Variants in RANBP17 observed in about 807,000 individuals in gnomAD.
RANBP17 encodes the protein ran-binding protein 17.
In RANBP17, 158 loss-of-function variants were observed where a neutral mutation model predicts 141.2. The observed-to-expected ratio is 1.12, with a 90% CI of 0.98 to 1.28. The LOEUF (loss-of-function observed/expected upper bound fraction) is 1.28. RANBP17 is among the 50% of genes most tolerant of loss of function. The pLI, the probability that RANBP17 is intolerant of heterozygous loss-of-function variation, is 0.00. For missense variants in RANBP17, 1,438 were observed against 1,290.7 expected, an observed-to-expected ratio of 1.11 and a Z score of -1.75; for synonymous variants, 430 against 450.0, an observed-to-expected ratio of 0.96 and a Z score of 0.56.
At chr5:171,166,212 G>T (rs1390699857) in intron 14 of RANBP17, among the ~76,000 whole-genome samples, 2 of 152,064 alleles carry the variant, frequency 1.3e-5, no homozygotes, top group Non-Finnish European at 2.9e-5. Context: ...GCAAAACCTT[G>T]GTTACAGAAT....
chr5:171,124,759 A>G (rs779591068), intron 14 of RANBP17, among the ~76,000 whole-genome samples: 11 of 152,216 alleles, frequency 7.2e-5, no homozygotes, highest in Non-Finnish European at 1.6e-4. Context: ...CAACAAAAAA[A>G]AACCACCAAA....
intron 16 of RANBP17, among the ~76,000 whole-genome samples, chr5:171,181,264 C>A (rs770896165): frequency 6.6e-6 from 1 of 152,076 alleles, no homozygotes; most frequent in African/African-American, 2.4e-5. Context: ...GCATGACCAA[C>A]GTAGTGAAAC....
At chr5:170,881,921 A>G in intron 3 of RANBP17, 25 bp downstream of exon 3, 1 of 1,459,558 alleles carries the variant, frequency 6.9e-7, no homozygotes, top group Non-Finnish European at 9.4e-7. Context: ...ATGCTTTTTA[A>G]CCAACTGCGC....
intron 18 of RANBP17, among the ~76,000 whole-genome samples, chr5:171,192,316 C>T (rs1761703126): frequency 6.6e-6 from 1 of 152,128 alleles, no homozygotes; most frequent in Non-Finnish European, 1.5e-5. Flanking sequence ...TTAGCTGGCC[C>T]TGTAGGCAGA....
At chr5:170,984,227 C>T (rs768065535) in intron 14 of RANBP17, among the ~76,000 whole-genome samples, 1 of 152,108 alleles carries the variant, frequency 6.6e-6, no homozygotes, top group East Asian at 1.9e-4. Flanking sequence ...AGTTTGTCAT[C>T]CGGGTGTATG....
At chr5:171,056,367 T>A (rs1233347680) in intron 14 of RANBP17, among the ~76,000 whole-genome samples, 4 of 152,172 alleles carry the variant, frequency 2.6e-5, no homozygotes, top group African/African-American at 9.6e-5. Flanking sequence ...TAACAATCGT[T>A]TGTGAATGAC....
chr5:171,230,535 T>G (rs927276070), intron 22 of RANBP17, among the ~76,000 whole-genome samples: 1 of 152,126 alleles, frequency 6.6e-6, no homozygotes, highest in African/African-American at 2.4e-5. Flanking sequence ...CCGAGGCGTG[T>G]GGATCACCTG....
chr5:170,920,357 TCTA>T (rs898700443), intron 11 of RANBP17, among the ~76,000 whole-genome samples: 1 of 152,176 alleles, frequency 6.6e-6, no homozygotes, highest in African/African-American at 2.4e-5. Flanking sequence ...TTTTACTCAT[TCTA>T]ATAACTATGT....
At chr5:171,126,618 A>G (rs542107500) in intron 14 of RANBP17, among the ~76,000 whole-genome samples, 2 of 152,296 alleles carry the variant, frequency 1.3e-5, no homozygotes, top group South Asian at 4.1e-4. Context: ...AAATAAATAA[A>G]TCCAGAAACA....
At chr5:171,062,620 A>G (rs921032567) in intron 14 of RANBP17, among the ~76,000 whole-genome samples, 1 of 152,076 alleles carries the variant, frequency 6.6e-6, no homozygotes, top group Non-Finnish European at 1.5e-5. Context: ...ACTTTGGTGA[A>G]TCTGACAATT....
chr5:170,982,388 C>T (rs1375108129), intron 14 of RANBP17, among the ~76,000 whole-genome samples: 1 of 151,996 alleles, frequency 6.6e-6, no homozygotes, highest in African/African-American at 2.4e-5. Context: ...TGAAGAAAAC[C>T]TCATATGAAA....
chr5:171,016,128 G>T (rs1410383753), intron 14 of RANBP17, among the ~76,000 whole-genome samples: 1 of 151,218 alleles, frequency 6.6e-6, no homozygotes, highest in Non-Finnish European at 1.5e-5. Flanking sequence ...TGCTTTTCTG[G>T]GGCAATCCCA....
chr5:170,912,219 A>C (rs1443241943), intron 7 of RANBP17, among the ~76,000 whole-genome samples: 1 of 150,990 alleles, frequency 6.6e-6, no homozygotes, highest in East Asian at 1.9e-4. Context: ...ATGTAATAAA[A>C]AATTTCACAG....
At chr5:171,123,175 T>C (rs1454145858) in intron 14 of RANBP17, among the ~76,000 whole-genome samples, 1 of 152,152 alleles carries the variant, frequency 6.6e-6, no homozygotes, top group East Asian at 1.9e-4. Flanking sequence ...TCAGAGGCCC[T>C]GGAGATTGAC....
Position 171,253,148 on chromosome 5 carries a change from C to T in RANBP17, c.2776+10328C>T, listed in dbSNP as rs368053246. Among the ~76,000 whole-genome samples, 150 of 152,232 alleles carry T rather than the reference C, an allele frequency of 9.9e-4. 2 individuals carry two copies. The South Asian group carries it at 0.03, about 31-fold the overall frequency. On this transcript the variant is annotated intron_variant, in intron 24 of 27. Coordinates refer to ENST00000523189, the MANE Select transcript of RANBP17 (RefSeq NM_022897.5). ...AAGCAAAGACGATGGATTGACAAGC[C>T]CTTCCGATCACAGTAGTTGATTTAT...
At chr5:171,163,261 A>C (rs1035385910) in intron 14 of RANBP17, among the ~76,000 whole-genome samples, 4 of 152,232 alleles carry the variant, frequency 2.6e-5, no homozygotes, top group African/African-American at 9.6e-5. Flanking sequence ...GGATCTATTC[A>C]GTGTCACTAA....
intron 24 of RANBP17, among the ~76,000 whole-genome samples, chr5:171,261,643 A>G (rs1033224784): frequency 3.9e-5 from 6 of 152,218 alleles, no homozygotes; most frequent in Non-Finnish European, 8.8e-5. Context: ...ATTGTTTTCA[A>G]TGCCAAACAA....
intron 14 of RANBP17, among the ~76,000 whole-genome samples, chr5:170,999,538 AT>A (rs1383332183): frequency 6.6e-6 from 1 of 152,202 alleles, no homozygotes; most frequent in Non-Finnish European, 1.5e-5. Flanking sequence ...ATAATTCAGA[AT>A]TGATATAATC....
chr5:171,267,026 C>CTTTTTTTTTT lies in RANBP17; in HGVS notation c.2943+1190_2943+1199dup, dbSNP rs35762251. Among the ~76,000 whole-genome samples, 18 of 114,594 alleles carry CTTTTTTTTTT rather than the reference C, an allele frequency of 1.6e-4. 1 individual carries two copies. The highest frequency in any genetic ancestry group is 5.6e-4 in the African/African-American group (15 of 26,966). 75.2% of individuals were successfully genotyped at this position (114,594 alleles called of 152,430 possible). On this transcript the variant is annotated intron_variant, in intron 25 of 27. Coordinates refer to ENST00000523189, the MANE Select transcript of RANBP17 (RefSeq NM_022897.5). The stretch of plus-strand genomic sequence containing the variant: ...CTATACCATCACTATATTTTCTTTT[C>CTTTTTTTTTT]TTTTTTTTTTTTTTTTTTTTGAGAC...
Sources: gnomAD v4.1 joint callset for allele counts (sites outside exome capture counted in the v4.1 genomes callset) on GRCh38, gnomAD v4.1.1 for gene constraint, MANE v1.5 for transcripts, NCBI Gene and HGNC (gene_info 2026-07-23, HGNC 2026-07-21) for gene names.